Variants in FBXO34 observed in about 807,000 individuals in gnomAD.
FBXO34 encodes the protein F-box protein 34.
A neutral mutation model predicts 24.5 loss-of-function variants in FBXO34; 12 were observed. The observed-to-expected ratio is 0.49, with a 90% CI of 0.31 to 0.79. FBXO34 has a LOEUF of 0.79. Among genes scored for constraint, FBXO34 ranks in the 30% least tolerant of loss-of-function variants. The probability of loss-of-function intolerance (pLI) is 0.04; values close to 1 mark genes in which losing one functional copy is unlikely to be tolerated. For missense variants in FBXO34, 823 were observed against 857.7 expected (o/e 0.96, Z 0.51); for synonymous variants, 320 against 311.9 (o/e 1.03, Z -0.27).
At position 55,331,778 on chromosome 14, in the gene FBXO34, T is replaced by C. The variant is rs187013572; in HGVS notation, c.-10-18603T>C. 2.5e-3 allele frequency among the ~76,000 whole-genome samples: 185 copies of C among 73,940 alleles called. 31 individuals carry two copies. The highest frequency in any genetic ancestry group is 0.019 in the Middle Eastern group (3 of 160). The allele number at this position is 73,940 out of a possible 152,430, so 48.5% of individuals were successfully genotyped here. ...ATATATATGTATATATATATATATA[T>C]ACCACCATGGTGTATATATAAATAT... On this transcript the variant is annotated intron_variant, in intron 1 of 1. Coordinates refer to ENST00000313833, the MANE Select transcript of FBXO34 (RefSeq NM_017943.4).
At chr14:55,417,188 C>T in the FBXO34 span, among the ~76,000 whole-genome samples, 2 of 152,282 alleles carry the variant, frequency 1.3e-5, no homozygotes, top group African/African-American at 4.8e-5. Context: ...TTACCTGAAC[C>T]ATACAGCAGC....
chr14:55,414,380 C>T, the FBXO34 span: 3 of 1,600,460 alleles, frequency 1.9e-6, no homozygotes, highest in Non-Finnish European at 2.6e-6. Flanking sequence ...ATGATATGCT[C>T]AGGCTTTTTT....
At chr14:55,283,735 A>C (rs1365996767) in intron 1 of FBXO34, among the ~76,000 whole-genome samples, 1 of 152,166 alleles carries the variant, frequency 6.6e-6, no homozygotes, top group Non-Finnish European at 1.5e-5. Flanking sequence ...CTGGGATTAC[A>C]GGCACGTGAG....
At chr14:55,326,981 T>C (rs555561702) in intron 1 of FBXO34, among the ~76,000 whole-genome samples, 2 of 152,236 alleles carry the variant, frequency 1.3e-5, no homozygotes, top group East Asian at 1.9e-4. Context: ...TCAGAACAGA[T>C]GATCTAGTGG....
At chr14:55,414,306 G>T in the FBXO34 span, 1 of 1,134,522 alleles carries the variant, frequency 8.8e-7, no homozygotes, top group Non-Finnish European at 1.3e-6. Context: ...AAACGTAGAA[G>T]AATCCAGCTG....
the FBXO34 span, chr14:55,411,607 C>T: frequency 6.2e-7 from 1 of 1,607,710 alleles, no homozygotes. Flanking sequence ...CGTACCTCTC[C>T]CGGTCGCGGC....
downstream of FBXO34, chr14:55,369,430 T>C: frequency 2.1e-6 from 1 of 486,424 alleles, no homozygotes; most frequent in Non-Finnish European, 3.5e-6. Context: ...ATCATAAGCA[T>C]GTTGGTCACC....
the FBXO34 span, chr14:55,424,327 A>G: frequency 1.1e-6 from 1 of 907,250 alleles, no homozygotes; most frequent in Admixed American, 2.2e-5. Flanking sequence ...AAGGCCCAGT[A>G]TATTAAAGTG....
the FBXO34 span, among the ~76,000 whole-genome samples, chr14:55,439,920 G>T: frequency 2.7e-5 from 1 of 36,856 alleles, no homozygotes; most frequent in Non-Finnish European, 5.3e-5. Context: ...GACAGAGCGA[G>T]ACTCTGTCTC....
intron 1 of FBXO34, chr14:55,282,373 T>G (rs1188463808): frequency 2.3e-6 from 1 of 431,782 alleles, no homozygotes; most frequent in African/African-American, 2.0e-5. Flanking sequence ...AAGGCACCCT[T>G]GATCCTGTCA....
At chr14:55,374,130 C>T (rs537598715), downstream of FBXO34, among the ~76,000 whole-genome samples, 2 of 152,362 alleles carry the variant, frequency 1.3e-5, 1 homozygote, top group African/African-American at 4.8e-5. Flanking sequence ...ACGCTGGATT[C>T]ATCGAGCCTT....
the FBXO34 span, chr14:55,411,817 C>A: frequency 1.3e-6 from 2 of 1,592,688 alleles, no homozygotes; most frequent in Non-Finnish European, 1.7e-6. Context: ...CACTGGGAGA[C>A]GCCATGATGG....
chr14:55,301,673 C>T lies in FBXO34; in HGVS notation c.-11+30136C>T, dbSNP rs189159674. Among the ~76,000 whole-genome samples the T allele has an allele frequency of 1.9e-3, 288 of 152,228 alleles. 1 individual carries two copies. The South Asian group carries it at 0.023, about 12-fold the overall frequency. ...AGTATGTCCATAATTAATTGTGAAA[C>T]TCTGCTCTCTTCAGTAGAAAGTTTT... On this transcript the variant is annotated intron_variant, in intron 1 of 1. Transcript: ENST00000313833.
downstream of FBXO34, among the ~76,000 whole-genome samples, chr14:55,365,816 G>C (rs1340222708): frequency 1.3e-5 from 2 of 152,134 alleles, no homozygotes. Flanking sequence ...GCTCCTGAGG[G>C]TATCCTGGCT....
At chr14:55,323,857 C>T (rs1329147106) in intron 1 of FBXO34, among the ~76,000 whole-genome samples, 1 of 152,114 alleles carries the variant, frequency 6.6e-6, no homozygotes, top group Admixed American at 6.5e-5. Flanking sequence ...TACTATAGCC[C>T]ATTTTGGGAG....
chr14:55,437,837 G>A, the FBXO34 span, among the ~76,000 whole-genome samples: 2 of 152,182 alleles, frequency 1.3e-5, no homozygotes, highest in Non-Finnish European at 2.9e-5. Flanking sequence ...TCTAGGCAAA[G>A]GCGTAATAAG....
At position 55,351,578 on chromosome 14, in the gene FBXO34, C is replaced by G; in HGVS notation, c.1188C>G (p.Ala396=). The G allele has an allele frequency of 6.2e-7, 1 of 1,614,108 alleles. No homozygotes were observed. Among genetic ancestry groups the G allele is most frequent in the South Asian group, 1.1e-5 (1 of 91,074 alleles). ...AGTTAGAGCCGGGTTCGCAAACTGC[C>G]GTGAAAAACAGCAACAGATATGATG... ...SAELEPGSQT[A]VKNSNRYDVE... is the part of the protein sequence containing the mutation. The change falls in exon 2 of 2, where the codon GCC becomes GCG. Residue 396 remains alanine, a synonymous_variant. Coordinates refer to ENST00000313833, the MANE Select transcript of FBXO34 (RefSeq NM_017943.4).
chr14:55,364,570 A>G (rs563873489), downstream of FBXO34, among the ~76,000 whole-genome samples: 1 of 151,826 alleles, frequency 6.6e-6, no homozygotes, highest in South Asian at 2.1e-4. Flanking sequence ...AATTACAGGC[A>G]TGCACCACGA....
chr14:55,333,320 C>G (rs914030037), intron 1 of FBXO34, among the ~76,000 whole-genome samples: 1 of 152,206 alleles, frequency 6.6e-6, no homozygotes, highest in Non-Finnish European at 1.5e-5. Flanking sequence ...CTTCGACCCT[C>G]TTGGTTTTGC....
Sources: gnomAD v4.1 joint callset for allele counts (sites outside exome capture counted in the v4.1 genomes callset) on GRCh38, gnomAD v4.1.1 for gene constraint, MANE v1.5 for transcripts, NCBI Gene and HGNC (gene_info 2026-07-23, HGNC 2026-07-21) for gene names.